ARL15: variants seen among roughly 807,000 people sequenced by gnomAD.
The protein encoded by ARL15 is ARF like GTPase 15.
ARL15 carries 19 observed loss-of-function variants against 25.2 expected under a neutral mutation model. The observed-to-expected ratio is 0.75, with a 90% CI of 0.53 to 1.10. The LOEUF (loss-of-function observed/expected upper bound fraction) is 1.10, where lower values mean the gene tolerates loss of function less well. ARL15 is among the 50% of genes least tolerant of loss of function. The pLI is 0.00. For synonymous variants in ARL15, 94 were observed against 86.8 expected (o/e 1.08, Z -0.46); for missense variants, 220 against 246.0 (o/e 0.89, Z 0.71).
At chr5:54,093,345 A>G (rs943179615) in intron 4 of ARL15, among the ~76,000 whole-genome samples, 2 of 152,148 alleles carry the variant, frequency 1.3e-5, no homozygotes, top group Admixed American at 6.5e-5. Flanking sequence ...TCACTGAAAG[A>G]CCAAAGAAAG....
At chr5:53,949,346 T>C (rs1457968375) in intron 4 of ARL15, among the ~76,000 whole-genome samples, 1 of 152,186 alleles carries the variant, frequency 6.6e-6, no homozygotes, top group Non-Finnish European at 1.5e-5. Context: ...ATATGAATAA[T>C]GAAGACAGCA....
chr5:53,913,231 A>T (rs1362239991), intron 4 of ARL15, among the ~76,000 whole-genome samples: 2 of 152,204 alleles, frequency 1.3e-5, no homozygotes, highest in Non-Finnish European at 2.9e-5. Flanking sequence ...TGAGCCCAAG[A>T]GGGCAGGGTT....
chr5:54,268,987 C>T (rs982220636), intron 1 of ARL15, among the ~76,000 whole-genome samples: 1 of 151,672 alleles, frequency 6.6e-6, no homozygotes, highest in African/African-American at 2.4e-5. Context: ...AACCAAACAC[C>T]GCATATTCTC....
chr5:53,897,996 G>A (rs906500363), intron 4 of ARL15, among the ~76,000 whole-genome samples: 5 of 152,060 alleles, frequency 3.3e-5, no homozygotes, highest in African/African-American at 9.7e-5. Context: ...AGATAAGCTA[G>A]AGAAAATAAA....
chr5:53,992,251 T>C (rs1748527029), intron 4 of ARL15, among the ~76,000 whole-genome samples: 1 of 152,200 alleles, frequency 6.6e-6, no homozygotes, highest in Non-Finnish European at 1.5e-5. Flanking sequence ...ACATCCCCTA[T>C]GAGTTGACTG....
intron 4 of ARL15, among the ~76,000 whole-genome samples, chr5:54,079,249 T>C (rs1240706314): frequency 1.3e-5 from 2 of 152,196 alleles, no homozygotes; most frequent in South Asian, 2.1e-4. Context: ...GCTGGATAAT[T>C]ATGCACTGAA....
chr5:53,945,418 C>T (rs576467088), intron 4 of ARL15, among the ~76,000 whole-genome samples: 2 of 152,240 alleles, frequency 1.3e-5, no homozygotes, highest in South Asian at 4.1e-4. Context: ...ATCTTTGGTT[C>T]GTTAACTCAG....
intron 4 of ARL15, among the ~76,000 whole-genome samples, chr5:54,054,712 C>G (rs937532349): frequency 6.6e-6 from 1 of 152,122 alleles, no homozygotes; most frequent in Non-Finnish European, 1.5e-5. Flanking sequence ...ATGGCGTGAA[C>G]CCAGAAGGCG....
chr5:54,022,140 C>T (rs1486006248), intron 4 of ARL15, among the ~76,000 whole-genome samples: 1 of 151,866 alleles, frequency 6.6e-6, no homozygotes, highest in Non-Finnish European at 1.5e-5. Context: ...GAAATGGCTA[C>T]AGAAAGTTAT....
intron 1 of ARL15, among the ~76,000 whole-genome samples, chr5:54,251,997 A>T (rs1450215193): frequency 6.6e-6 from 1 of 152,250 alleles, no homozygotes; most frequent in Non-Finnish European, 1.5e-5. Flanking sequence ...CTGTTTAATG[A>T]ATAAATGAAA....
intron 4 of ARL15, among the ~76,000 whole-genome samples, chr5:53,991,542 C>CAAA (rs760743257): frequency 1.8e-3 from 71 of 40,090 alleles, no homozygotes; most frequent in Admixed American, 4.7e-3. Flanking sequence ...AACTCCATCT[C>CAAA]AAAAAAAAAA....
intron 1 of ARL15, among the ~76,000 whole-genome samples, chr5:54,258,683 G>A (rs1158650010): frequency 1.3e-5 from 2 of 152,196 alleles, no homozygotes; most frequent in Non-Finnish European, 2.9e-5. Flanking sequence ...ATCCTCTGGA[G>A]TAATGGAAAG....
At chr5:53,931,334 G>A (rs2035770) in intron 4 of ARL15, among the ~76,000 whole-genome samples, 35,014 of 152,042 alleles carry the variant, frequency 0.23, 4,088 homozygotes, top group East Asian at 0.34. Flanking sequence ...AAAGATGTAC[G>A]TAGGACACAA....
intron 3 of ARL15, among the ~76,000 whole-genome samples, chr5:54,132,905 T>C (rs1056394481): frequency 2.0e-5 from 3 of 152,180 alleles, no homozygotes; most frequent in African/African-American, 4.8e-5. Context: ...CTGTATCTTG[T>C]GGTATGGTAC....
At chr5:54,159,506 C>T (rs1754340193) in intron 2 of ARL15, among the ~76,000 whole-genome samples, 1 of 152,120 alleles carries the variant, frequency 6.6e-6, no homozygotes, top group South Asian at 2.1e-4. Context: ...TTTGAGATGT[C>T]CTCTAAAATT....
At chr5:53,923,742 G>A (rs1049555045) in intron 4 of ARL15, among the ~76,000 whole-genome samples, 8 of 152,190 alleles carry the variant, frequency 5.3e-5, no homozygotes, top group East Asian at 1.9e-4. Flanking sequence ...GCGGGCGCCC[G>A]TAGTCCCAGC....
At chr5:54,198,154 T>G (rs1051621748) in intron 1 of ARL15, among the ~76,000 whole-genome samples, 2 of 152,188 alleles carry the variant, frequency 1.3e-5, no homozygotes, top group African/African-American at 4.8e-5. Flanking sequence ...CTCAAAATAA[T>G]ATCAGCTATC....
At chr5:54,013,873 T>G (rs2111799008) in intron 4 of ARL15, among the ~76,000 whole-genome samples, 1 of 150,484 alleles carries the variant, frequency 6.6e-6, no homozygotes, top group East Asian at 2.0e-4. Flanking sequence ...CTTGAAAAGC[T>G]CTAACCTCTG....
intron 1 of ARL15, among the ~76,000 whole-genome samples, chr5:54,177,665 T>A (rs1407639928): frequency 6.6e-6 from 1 of 152,226 alleles, no homozygotes; most frequent in Non-Finnish European, 1.5e-5. Context: ...TGCAAAGCAC[T>A]AATCAAGCAT....
Sources: allele counts gnomAD v4.1 joint callset (sites outside exome capture counted in the v4.1 genomes callset), GRCh38; gene constraint gnomAD v4.1.1; transcripts MANE v1.5; gene names NCBI Gene and HGNC (gene_info 2026-07-23, HGNC 2026-07-21).